The following MBOAT1 variants were observed in gnomAD, a reference collection of about 807,000 sequenced individuals.
MBOAT1 encodes the protein membrane bound glycerophospholipid O-acyltransferase 1.
MBOAT1 carries 67 observed loss-of-function variants against 64.4 expected under a neutral mutation model. The ratio of observed to expected loss-of-function variants is 1.04; its 90% CI spans 0.85 to 1.27. MBOAT1 has a LOEUF of 1.27. Among genes scored for constraint, MBOAT1 ranks in the 50% most tolerant of loss-of-function variants. The pLI, the probability that MBOAT1 is intolerant of heterozygous loss-of-function variation, is 0.00. For synonymous variants in MBOAT1, 229 were observed against 218.9 expected (o/e 1.05, Z -0.41); for missense variants, 563 against 604.6 (o/e 0.93, Z 0.72).
Position 20,124,490 on chromosome 6 carries a change from T to A in MBOAT1, c.825A>T (p.Lys275Asn), listed in dbSNP as rs138031972. The part of the protein sequence containing the change: ...TCLVDDWFVH[K>N]ASFPARLCYL... The stretch of plus-strand genomic sequence containing the variant: ...AGCAGAGTCGAGCCGGAAAGCTTGC[T>A]TTATGGACAAACCAGTCATCCACAA... Residue 275 changes from lysine to asparagine, a missense_variant, in exon 8 of 13, where the codon AAA (lysine) becomes AAT (asparagine). Lys to Asn is a moderately conservative substitution (Grantham distance 94). Transcript: ENST00000324607. The A allele has an allele frequency of 4.3e-6, 7 of 1,614,068 alleles. No individual in the cohort carries two copies. The highest frequency in any genetic ancestry group is 1.7e-5 in the Admixed American group (1 of 60,006).
intron 4 of MBOAT1, among the ~76,000 whole-genome samples, chr6:20,141,868 C>A (rs1761187751): frequency 6.6e-6 from 1 of 152,058 alleles, no homozygotes. Context: ...GACCTGGTGA[C>A]ACAAGGATGC....
chr6:20,149,455 A>C (rs73384433), intron 3 of MBOAT1, among the ~76,000 whole-genome samples: 12,736 of 152,204 alleles, frequency 0.084, 1,711 homozygotes, highest in African/African-American at 0.28. Context: ...TATTATTAAT[A>C]ATTTACTATG....
intron 4 of MBOAT1, among the ~76,000 whole-genome samples, chr6:20,137,695 G>T (rs546253357): frequency 1.8e-4 from 26 of 145,464 alleles, no homozygotes; most frequent in Admixed American, 6.3e-4. Flanking sequence ...TAAAATACAA[G>T]TTTATGTGTT....
At chr6:20,168,507 G>A (rs11970387) in intron 1 of MBOAT1, among the ~76,000 whole-genome samples, 16,911 of 132,454 alleles carry the variant, frequency 0.13, 1,296 homozygotes, top group Non-Finnish European at 0.14. Context: ...GAGAGAGAGA[G>A]GAGAGGAGAG....
intron 1 of MBOAT1, among the ~76,000 whole-genome samples, chr6:20,163,027 G>T (rs1006043284): frequency 6.6e-6 from 1 of 152,158 alleles, no homozygotes; most frequent in Admixed American, 6.5e-5. Flanking sequence ...CAAATATCAT[G>T]TCACATGGAT....
rs76013563 is a variant in MBOAT1, at chr6:20,136,553, G to C, written c.420-5354C>G. Among the ~76,000 whole-genome samples, 511 of 152,244 alleles carry C rather than the reference G, an allele frequency of 3.4e-3. 1 individual carries two copies. Among genetic ancestry groups the C allele is most frequent in the African/African-American group, 0.012 (484 of 41,542 alleles). On this transcript the variant is annotated intron_variant, in intron 4 of 12. Transcript: ENST00000324607. ...CCCAATTACTTGAACATATTGGGCT[G>C]GTCAGATGGAGTGACCAGGATGTCA...
chr6:20,189,002 C>A (rs1405390448), intron 1 of MBOAT1, among the ~76,000 whole-genome samples: 1 of 152,128 alleles, frequency 6.6e-6, no homozygotes, highest in East Asian at 1.9e-4. Context: ...CCCTCAGAGT[C>A]TTGGAATTCT....
In MBOAT1 at chr6:20,099,912, T is replaced by A. The variant is rs796893270; in HGVS notation, c.*2374A>T. Reference sequence around the variant, plus strand: ...AAAAAGGATGCTAATCAGTCTCCTATGTGTTGTTCTTTTTATACAGAATAA... The same window carrying A: ...AAAAAGGATGCTAATCAGTCTCCTAAGTGTTGTTCTTTTTATACAGAATAA... On this transcript the variant is annotated 3_prime_UTR_variant, in exon 13 of 13. Transcript: ENST00000324607. Among the ~76,000 whole-genome samples, 1 of 152,352 alleles carries A rather than the reference T, an allele frequency of 6.6e-6. No homozygotes were observed. Among genetic ancestry groups the A allele is most frequent in the African/African-American group, 2.4e-5 (1 of 41,578 alleles).
intron 11 of MBOAT1, 21 bp from the exon 12 acceptor site, chr6:20,109,770 C>T: frequency 6.2e-7 from 1 of 1,607,862 alleles, no homozygotes; most frequent in East Asian, 2.2e-5. Context: ...ACACAGGCAA[C>T]AGTAGTGAGG....
At chr6:20,177,699 G>A (rs2113735634) in intron 1 of MBOAT1, among the ~76,000 whole-genome samples, 1 of 151,130 alleles carries the variant, frequency 6.6e-6, no homozygotes, top group East Asian at 1.9e-4. Flanking sequence ...GCGTGAACCT[G>A]GGAGGCAGAG....
At position 20,102,170 on chromosome 6, in the gene MBOAT1, CA is replaced by C; in HGVS notation, c.*115del. 2.5e-6 allele frequency: 1 copy of C among 405,132 alleles called. No individual in the cohort carries two copies. Among genetic ancestry groups the C allele is most frequent in the Non-Finnish European group, 3.7e-6 (1 of 268,128 alleles). The allele number at this position is 405,132 out of a possible 1,614,324, so 25.1% of individuals were successfully genotyped here. A position where few individuals can be genotyped will look rare whatever the true frequency, so the allele number is the denominator to read the frequency against. On this transcript the variant is annotated 3_prime_UTR_variant, in exon 13 of 13. Transcript: ENST00000324607. ...ATACTCCCTGCACTTTAAAAAAGAA[CA>C]AAATAAAGATGCATGTAAACATCGC...
intron 12 of MBOAT1, 27 bp from the exon 13 acceptor site, chr6:20,102,439 T>G: frequency 6.4e-7 from 1 of 1,567,436 alleles, no homozygotes; most frequent in Non-Finnish European, 8.7e-7. Context: ...ACAAAAATTA[T>G]ATTTCAAATA....
Position 20,102,186 on chromosome 6 carries a change from G to T in MBOAT1, c.*100C>A. ...AAAAAAGAACAAAATAAAGATGCATGTAAACATCGCCTCTAAGCCACCGGA... is the reference window on the plus strand; with the variant it reads ...AAAAAAGAACAAAATAAAGATGCATTTAAACATCGCCTCTAAGCCACCGGA... On this transcript the variant is annotated 3_prime_UTR_variant, in exon 13 of 13. Transcript: ENST00000324607. The T allele has an allele frequency of 8.1e-5, 64 of 794,572 alleles. No homozygotes were observed. The highest frequency in any genetic ancestry group is 1.9e-4 in the East Asian group (5 of 25,848). The allele number at this position is 794,572 out of a possible 1,614,324, so 49.2% of individuals were successfully genotyped here.
At chr6:20,154,643 T>C (rs2113699472) in intron 1 of MBOAT1, among the ~76,000 whole-genome samples, 1 of 152,346 alleles carries the variant, frequency 6.6e-6, no homozygotes, top group Middle Eastern at 3.4e-3. Flanking sequence ...TCACTTTCTA[T>C]CTTGACAGAC....
rs188097532 is a variant in MBOAT1 at position 20,118,965 on chromosome 6, G to A, written c.908-425C>T. On this transcript the variant is annotated intron_variant, in intron 8 of 12. Transcript: ENST00000324607. ...AGAAGAAACAAGGGACCCAGAAGAG[G>A]TCTCAGAGCTGTCACTAAAGATAGC... Among the ~76,000 whole-genome samples the A allele has an allele frequency of 1.5e-3, 223 of 152,204 alleles. 2 individuals are homozygous for A. Among genetic ancestry groups the A allele is most frequent in the Non-Finnish European group, 1.8e-3 (122 of 68,016 alleles).
At chr6:20,136,521 T>G (rs1015499886) in intron 4 of MBOAT1, among the ~76,000 whole-genome samples, 2 of 152,220 alleles carry the variant, frequency 1.3e-5, no homozygotes, top group African/African-American at 4.8e-5. Context: ...TTTTCCCTAT[T>G]ATGGAACCCA....
At chr6:20,180,344 G>A (rs1457154255) in intron 1 of MBOAT1, among the ~76,000 whole-genome samples, 3 of 151,942 alleles carry the variant, frequency 2.0e-5, no homozygotes, top group South Asian at 2.1e-4. Flanking sequence ...TACTTGCTCC[G>A]ATTTCCCCTT....
chr6:20,206,114 C>G (rs1763257921), intron 1 of MBOAT1, among the ~76,000 whole-genome samples: 2 of 152,224 alleles, frequency 1.3e-5, no homozygotes, highest in African/African-American at 4.8e-5. Context: ...ACAGCAAAGC[C>G]AAGGTCAGAA....
intron 8 of MBOAT1, among the ~76,000 whole-genome samples, chr6:20,124,048 C>T (rs1204594730): frequency 6.6e-6 from 1 of 152,230 alleles, no homozygotes; most frequent in East Asian, 1.9e-4. Flanking sequence ...CAGAGTGAGA[C>T]TCCATGTCAA....
Sources: gnomAD v4.1 joint callset for allele counts (sites outside exome capture counted in the v4.1 genomes callset) on GRCh38, gnomAD v4.1.1 for gene constraint, MANE v1.5 for transcripts, NCBI Gene and HGNC (gene_info 2026-07-23, HGNC 2026-07-21) for gene names.